Variants in ZNF462 observed in about 807,000 individuals in gnomAD.
The protein encoded by ZNF462 is zinc finger protein 462, also known as zinc finger PBX1-interacting protein.
Under a neutral mutation model 201.9 loss-of-function variants are expected in ZNF462, and 10 were observed. That is an observed-to-expected ratio of 0.05 (90% confidence interval 0.03 to 0.08). The LOEUF (loss-of-function observed/expected upper bound fraction) is 0.08, where lower values mean the gene tolerates loss of function less well. Ranked by LOEUF, ZNF462 falls within the 10% of genes least tolerant of loss-of-function variation. The pLI is 1.00. For synonymous variants in ZNF462, 1,227 were observed against 1,193.3 expected (o/e 1.03, Z -0.58); for missense variants, 2,523 against 3,168.3 (o/e 0.80, Z 4.89).
rs1314179291 is a variant in ZNF462 at position 106,876,889 on chromosome 9, C to T, written c.-31+13534C>T. Among the ~76,000 whole-genome samples the T allele has an allele frequency of 6.6e-6, 1 of 152,224 alleles. No individual in the cohort carries two copies. Among genetic ancestry groups the T allele is most frequent in the Non-Finnish European group, 1.5e-5 (1 of 68,042 alleles). On this transcript the variant is annotated intron_variant, in intron 1 of 12. Transcript: ENST00000277225. The surrounding 1 kb of genome is among the most constrained non-coding windows in gnomAD (Gnocchi z 4.9). ...GTCTGCCTCACTGTTGCTCTACTCA[C>T]ATACATATCTCTTAGCCAGTTTGAG...
chr9:106,925,485 A>G lies in ZNF462; in HGVS notation c.1573A>G (p.Ile525Val). The G allele has an allele frequency of 1.2e-6, 2 of 1,614,184 alleles. No homozygotes were observed. Among genetic ancestry groups the G allele is most frequent in the Non-Finnish European group, 8.5e-7 (1 of 1,180,038 alleles). The change falls in exon 3 of 13, where the codon ATC becomes GTC. Residue 525 changes from isoleucine (I) to valine (V), a missense_variant. By Grantham distance (29) the Ile-to-Val change is conservative (BLOSUM62 3). This residue lies in a region of ZNF462 where 383 missense variants were observed against 453.4 expected (regional missense o/e 0.84). Coordinates refer to ENST00000277225, the MANE Select transcript of ZNF462 (RefSeq NM_021224.6). The surrounding 1 kb of genome is among the most constrained non-coding windows in gnomAD (Gnocchi z 7.9). ...EGVVSYESSS[I>V]NGRKSGVMLD... ...TGTGGTGTCTTATGAGAGCTCAAGC[A>G]TCAATGGTAGAAAGTCAGGAGTCAT... is the stretch of plus-strand genomic sequence containing the variant.
intron 10 of ZNF462, among the ~76,000 whole-genome samples, chr9:106,985,428 G>A (rs1315541166): frequency 1.3e-5 from 2 of 152,090 alleles, no homozygotes; most frequent in Non-Finnish European, 2.9e-5. Context: ...GAGGTTTGCC[G>A]ATCAGAGGGT....
At chr9:106,899,500 A>G (rs1828965974) in intron 1 of ZNF462, among the ~76,000 whole-genome samples, 1 of 152,178 alleles carries the variant, frequency 6.6e-6, no homozygotes, top group Admixed American at 6.5e-5. Flanking sequence ...GTCTGTGCAG[A>G]TGAGGAAGGG....
chr9:106,872,289 A>T lies in ZNF462; in HGVS notation c.-31+8934A>T, dbSNP rs1049239657. ...TTTCTCTTCAGTGGTTTCTATCTTA[A>T]ATAGTCTTCTCTGAAGACTAATTAG... On this transcript the variant is annotated intron_variant, in intron 1 of 12. Transcript: ENST00000277225. The surrounding 1 kb of genome is among the most constrained non-coding windows in gnomAD (Gnocchi z 4.5). Among the ~76,000 whole-genome samples the T allele has an allele frequency of 2.6e-5, 4 of 152,226 alleles. No homozygotes were observed. Among genetic ancestry groups the T allele is most frequent in the African/African-American group, 9.6e-5 (4 of 41,454 alleles).
In ZNF462 at chr9:106,970,851, C is replaced by T. The variant is rs1426070834; in HGVS notation, c.6428-1154C>T. Reference sequence around the variant, plus strand: ...TTTTTTCTCTTCTTTTTTTTTAATTCAAAGAAGAAACGCTGAGATTTCCCC... The same window carrying T: ...TTTTTTCTCTTCTTTTTTTTTAATTTAAAGAAGAAACGCTGAGATTTCCCC... On this transcript the variant is annotated intron_variant, in intron 7 of 12. Coordinates refer to ENST00000277225, the MANE Select transcript of ZNF462 (RefSeq NM_021224.6). This position sits in a 1 kb window ranked among gnomAD's most constrained non-coding sequence, Gnocchi z 4.2. 6.7e-6 allele frequency among the ~76,000 whole-genome samples: 1 copy of T among 149,734 alleles called. No homozygotes were observed. The highest frequency in any genetic ancestry group is 1.5e-5 in the Non-Finnish European group (1 of 67,576).
At chr9:106,975,029 G>T (rs1426094966) in intron 9 of ZNF462, 1 of 152,076 alleles carries the variant, frequency 6.6e-6, no homozygotes. Context: ...ATTTACCCTT[G>T]GCCAATTAAA....
In ZNF462 at chr9:107,009,764, C is replaced by T; in HGVS notation, c.7313+96C>T. 1.3e-6 allele frequency: 2 copies of T among 1,525,212 alleles called. No homozygotes were observed. Among genetic ancestry groups the T allele is most frequent in the Non-Finnish European group, 1.8e-6 (2 of 1,125,252 alleles). The allele number at this position is 1,525,212 out of a possible 1,614,324, so 94.5% of individuals were successfully genotyped here. A position where few individuals can be genotyped will look rare whatever the true frequency, so the allele number is the denominator to read the frequency against. On this transcript the variant is annotated intron_variant, in intron 12 of 12. Transcript: ENST00000277225. This position sits in a 1 kb window ranked among gnomAD's most constrained non-coding sequence, Gnocchi z 6.1. ...TTGGTTCCCCTGACAGTATGTACAC[C>T]CCTCTGTGTCACATTTCTGGGCCGT...
Position 106,885,184 on chromosome 9 carries a change from C to G in ZNF462, c.-31+21829C>G, listed in dbSNP as rs1828265518. ...TTTATTTATTTTCTTTACATGTTGT[C>G]TACTCCTAAAACAACTATCACTACT... On this transcript the variant is annotated intron_variant, in intron 1 of 12. Coordinates refer to ENST00000277225, the MANE Select transcript of ZNF462 (RefSeq NM_021224.6). The surrounding 1 kb of genome is among the most constrained non-coding windows in gnomAD (Gnocchi z 4.1). 6.6e-6 allele frequency among the ~76,000 whole-genome samples: 1 copy of G among 152,196 alleles called. No individual in the cohort carries two copies. The highest frequency in any genetic ancestry group is 1.5e-5 in the Non-Finnish European group (1 of 68,036).
chr9:106,971,046 C>T (rs1023964450), intron 7 of ZNF462, among the ~76,000 whole-genome samples: 3 of 152,170 alleles, frequency 2.0e-5, no homozygotes, highest in African/African-American at 7.2e-5. Context: ...AAATCTCCAT[C>T]TTAATGCTGA....
intron 4 of ZNF462, among the ~76,000 whole-genome samples, chr9:106,931,439 C>T (rs189611771): frequency 1.1e-3 from 170 of 152,264 alleles, no homozygotes; most frequent in African/African-American, 3.9e-3. Flanking sequence ...AGGGTACACG[C>T]GAACATATTT....
In ZNF462 at chr9:107,003,084, C is replaced by T. The variant is rs554208090; in HGVS notation, c.7057-210C>T. 3.6e-4 allele frequency among the ~76,000 whole-genome samples: 55 copies of T among 152,194 alleles called. No individual in the cohort carries two copies. Among genetic ancestry groups the T allele is most frequent in the African/African-American group, 8.4e-4 (35 of 41,524 alleles). On this transcript the variant is annotated intron_variant, in intron 10 of 12. Transcript: ENST00000277225. This position sits in a 1 kb window ranked among gnomAD's most constrained non-coding sequence, Gnocchi z 4.4. Reference sequence around the variant, plus strand: ...ATGAAGGTCCGGTGTACAAAAGTTCCGGTGAAAATGATGGAATGTGGGAGC... The same window carrying T: ...ATGAAGGTCCGGTGTACAAAAGTTCTGGTGAAAATGATGGAATGTGGGAGC...
At chr9:106,911,915 AAG>A (rs1012450448) in intron 1 of ZNF462, among the ~76,000 whole-genome samples, 1 of 152,236 alleles carries the variant, frequency 6.6e-6, no homozygotes, top group Non-Finnish European at 1.5e-5. Flanking sequence ...TATATTAGTA[AAG>A]AGAGAAAAAT....
rs1029085208 is a variant in ZNF462, at chr9:106,931,976, G to T, written c.6013-470G>T. ...CAGTTTGAATTTTCTTTTAAGATGGGGAAGAAGTGAGTGAAGTGTCTTCAG... is the reference window on the plus strand; with the variant it reads ...CAGTTTGAATTTTCTTTTAAGATGGTGAAGAAGTGAGTGAAGTGTCTTCAG... On this transcript the variant is annotated intron_variant, in intron 4 of 12. Coordinates refer to ENST00000277225, the MANE Select transcript of ZNF462 (RefSeq NM_021224.6). 2.5e-4 allele frequency among the ~76,000 whole-genome samples: 38 copies of T among 152,152 alleles called. 1 individual carries two copies. Among genetic ancestry groups the T allele is most frequent in the Admixed American group, 1.3e-4 (2 of 15,268 alleles).
Position 106,978,021 on chromosome 9 carries a change from A to G in ZNF462, c.6832+3748A>G, listed in dbSNP as rs1205125829. On this transcript the variant is annotated intron_variant, in intron 9 of 12. Coordinates refer to ENST00000277225, the MANE Select transcript of ZNF462 (RefSeq NM_021224.6). The surrounding 1 kb of genome is among the most constrained non-coding windows in gnomAD (Gnocchi z 4.1). Reference sequence around the variant, plus strand: ...TTGACGCTACTTGGCTTATAGCTGCATCACTCTCATGTTTGTCTCCATCTT... The same window carrying G: ...TTGACGCTACTTGGCTTATAGCTGCGTCACTCTCATGTTTGTCTCCATCTT... 6.6e-6 allele frequency among the ~76,000 whole-genome samples: 1 copy of G among 151,546 alleles called. No individual in the cohort carries two copies. The highest frequency in any genetic ancestry group is 1.5e-5 in the Non-Finnish European group (1 of 68,030).
Position 106,977,777 on chromosome 9 carries a change from A to C in ZNF462, c.6832+3504A>C, listed in dbSNP as rs1348991123. Among the ~76,000 whole-genome samples, 1 of 151,596 alleles carries C rather than the reference A, an allele frequency of 6.6e-6. No individual in the cohort carries two copies. Among genetic ancestry groups the C allele is most frequent in the South Asian group, 2.1e-4 (1 of 4,832 alleles). On this transcript the variant is annotated intron_variant, in intron 9 of 12. Transcript: ENST00000277225. The surrounding 1 kb of genome is among the most constrained non-coding windows in gnomAD (Gnocchi z 4.6). ...AACTGAGCCATGATAACATTTCAAC[A>C]GGCAGAGAAGACTTAAGGCAGGGCA...
chr9:106,936,762 T>C lies in ZNF462; in HGVS notation c.6235+1141T>C, dbSNP rs1293616155. 3.9e-5 allele frequency among the ~76,000 whole-genome samples: 6 copies of C among 152,308 alleles called. No individual in the cohort carries two copies. In the East Asian group the frequency reaches 1.2e-3, roughly 29 times the overall value. ...AGGCCTTAGCCTTGTCAAAAGCACT[T>C]TTACCAGCGAGAGCTGGGAAGAGAT... is the stretch of plus-strand genomic sequence containing the variant. On this transcript the variant is annotated intron_variant, in intron 6 of 12. Transcript: ENST00000277225.
intron 9 of ZNF462, among the ~76,000 whole-genome samples, chr9:106,982,184 T>G (rs1355816734): frequency 6.6e-6 from 1 of 152,236 alleles, no homozygotes; most frequent in Non-Finnish European, 1.5e-5. Context: ...TAGTTGCAGT[T>G]AATGCCTGGC....
At chr9:106,941,485 G>A (rs1455764962) in intron 7 of ZNF462, among the ~76,000 whole-genome samples, 1 of 152,138 alleles carries the variant, frequency 6.6e-6, no homozygotes, top group Non-Finnish European at 1.5e-5. Flanking sequence ...TTTAGCCACA[G>A]GGAAATAATT....
rs1003795904 is a variant in ZNF462, at chr9:106,880,067, A to T, written c.-31+16712A>T. On this transcript the variant is annotated intron_variant, in intron 1 of 12. Transcript: ENST00000277225. The surrounding 1 kb of genome is among the most constrained non-coding windows in gnomAD (Gnocchi z 4.1). ...TGAGACTGTGTTCTATATGCATTCAAGGCATGGAGTATTCCAGAGCTTTCC... is the reference window on the plus strand; with the variant it reads ...TGAGACTGTGTTCTATATGCATTCATGGCATGGAGTATTCCAGAGCTTTCC... 6.6e-6 allele frequency among the ~76,000 whole-genome samples: 1 copy of T among 152,138 alleles called. No homozygotes were observed. The highest frequency in any genetic ancestry group is 2.1e-4 in the South Asian group (1 of 4,822).
Sources: allele counts gnomAD v4.1 joint callset (sites outside exome capture counted in the v4.1 genomes callset), GRCh38; gene constraint gnomAD v4.1.1; regional missense constraint gnomAD v4.1.1; non-coding constraint Gnocchi (gnomAD v3.1); transcripts MANE v1.5; gene names NCBI Gene and HGNC (gene_info 2026-07-23, HGNC 2026-07-21).